ZFR2: variants seen among roughly 807,000 people sequenced by gnomAD.
ZFR2 encodes the protein zinc finger RNA binding protein 2, also known as zinc finger RNA-binding protein 2.
ZFR2 carries 104 observed loss-of-function variants against 105.7 expected under a neutral mutation model. The observed-to-expected ratio is 0.98, with a 90% CI of 0.84 to 1.16. The LOEUF is 1.16. Among genes scored for constraint, ZFR2 ranks in the 50% most tolerant of loss-of-function variants. The pLI is 0.00. For missense variants in ZFR2, 1,425 were observed against 1,355.5 expected (o/e 1.05, Z -0.80); for synonymous variants, 634 against 597.7 (o/e 1.06, Z -0.89).
At chr19:3,867,131 A>G (rs1252293786) in intron 1 of ZFR2, among the ~76,000 whole-genome samples, 1 of 122,730 alleles carries the variant, frequency 8.1e-6, no homozygotes, top group Admixed American at 8.5e-5. Flanking sequence ...GAAATGCAGT[A>G]GGAACACCGC....
intron 16 of ZFR2, 56 bp downstream of exon 16, chr19:3,810,694 C>T (rs1365097521): frequency 3.4e-6 from 5 of 1,487,366 alleles, no homozygotes; most frequent in Non-Finnish European, 3.6e-6. Context: ...CCTGTCAGGG[C>T]CATGGAGGCC....
intron 1 of ZFR2, among the ~76,000 whole-genome samples, chr19:3,857,765 C>T (rs998744947): frequency 2.0e-5 from 3 of 151,380 alleles, no homozygotes; most frequent in African/African-American, 7.3e-5. Flanking sequence ...TGAGCCCAGG[C>T]TATTTGCTGC....
chr19:3,866,934 C>T (rs1346559497), intron 1 of ZFR2, among the ~76,000 whole-genome samples: 1 of 152,216 alleles, frequency 6.6e-6, no homozygotes, highest in African/African-American at 2.4e-5. Flanking sequence ...ACCAGAGAAA[C>T]CACTCCGAGT....
intron 13 of ZFR2, among the ~76,000 whole-genome samples, 151 bp from the exon 14 acceptor site, chr19:3,814,109 A>G (rs574916843): frequency 6.6e-6 from 1 of 152,038 alleles, no homozygotes; most frequent in Non-Finnish European, 1.5e-5. Context: ...TGTGTCTGGA[A>G]CCTCCAAGTG....
intron 8 of ZFR2, 24 bp from the exon 9 acceptor site, chr19:3,822,224 C>A (rs2037904499): frequency 2.6e-6 from 4 of 1,563,152 alleles, no homozygotes; most frequent in Non-Finnish European, 3.5e-6. Context: ...CAGCCGCACG[C>A]GCACCAGGCA....
Position 3,827,469 on chromosome 19 carries a change from A to T in ZFR2, c.1035+2T>A, listed in dbSNP as rs1439607735. The T allele has an allele frequency of 2.6e-6, 4 of 1,543,086 alleles. No individual in the cohort carries two copies. In the African/African-American group the frequency reaches 4.1e-5, roughly 16 times the overall value. On this transcript the variant is annotated splice_donor_variant, in intron 6 of 18. Coordinates refer to ENST00000262961, the MANE Select transcript of ZFR2 (RefSeq NM_015174.2). LOFTEE classifies it high-confidence loss of function. ...CAGAGCCTGGGCCGGGCGGGGCCGTACCTTCTGGTGCTTGGATCCCCGGAT... is the reference window on the plus strand; with the variant it reads ...CAGAGCCTGGGCCGGGCGGGGCCGTTCCTTCTGGTGCTTGGATCCCCGGAT...
chr19:3,824,076 C>T (rs969236585), intron 7 of ZFR2, among the ~76,000 whole-genome samples: 1 of 152,032 alleles, frequency 6.6e-6, no homozygotes, highest in Non-Finnish European at 1.5e-5. Context: ...TTGGGAGGAT[C>T]GCTTAAGCCT....
chr19:3,814,822 C>T (rs560825280), intron 13 of ZFR2, among the ~76,000 whole-genome samples: 1 of 152,270 alleles, frequency 6.6e-6, no homozygotes, highest in Admixed American at 6.5e-5. Flanking sequence ...GCAATCCTAC[C>T]TCCTGGTACG....
In ZFR2 at chr19:3,825,125, G is replaced by A. The variant is rs372845981; in HGVS notation, c.1213+105C>T. 2.9e-5 allele frequency: 39 copies of A among 1,330,360 alleles called. 2 individuals carry two copies. The highest frequency in any genetic ancestry group is 1.4e-4 in the South Asian group (8 of 56,166). The allele number at this position is 1,330,360 out of a possible 1,614,324, so 82.4% of individuals were successfully genotyped here. The stretch of plus-strand genomic sequence containing the variant: ...CCAGCCAGCCCCTCACCACCCCCCG[G>A]GAAGACATGACGAAAATCGACTGGA... On this transcript the variant is annotated intron_variant, in intron 7 of 18. Transcript: ENST00000262961.
intron 15 of ZFR2, 136 bp downstream of exon 15, chr19:3,811,136 G>A (rs941186893): frequency 7.9e-6 from 7 of 888,098 alleles, no homozygotes; most frequent in African/African-American, 1.7e-5. Flanking sequence ...ACTCGGCCAG[G>A]AAGCTGATGG....
At chr19:3,844,049 GGAGT>G (rs1439559377) in intron 1 of ZFR2, among the ~76,000 whole-genome samples, 1 of 150,180 alleles carries the variant, frequency 6.7e-6, no homozygotes, top group Non-Finnish European at 1.5e-5. Flanking sequence ...GAGGGGAAGG[GGAGT>G]GAGTGTTTCA....
intron 13 of ZFR2, among the ~76,000 whole-genome samples, chr19:3,815,390 C>T (rs149849860): frequency 1.5e-3 from 233 of 152,108 alleles, no homozygotes; most frequent in African/African-American, 5.3e-3. Flanking sequence ...ACGCCAGGCC[C>T]GATTTTTCTT....
chr19:3,828,910 C>G (rs1226491769), intron 5 of ZFR2, among the ~76,000 whole-genome samples: 1 of 151,770 alleles, frequency 6.6e-6, no homozygotes, highest in Non-Finnish European at 1.5e-5. Context: ...AAAAATAGGA[C>G]GTGGGAGAGG....
chr19:3,844,431 G>A (rs1425525556), intron 1 of ZFR2, among the ~76,000 whole-genome samples: 1 of 151,440 alleles, frequency 6.6e-6, no homozygotes, highest in East Asian at 1.9e-4. Context: ...GCAGTGGTGC[G>A]ATCTCGGCTC....
Position 3,813,828 on chromosome 19 carries a change from G to A in ZFR2, c.2234C>T (p.Thr745Ile). The A allele has an allele frequency of 3.1e-6, 5 of 1,613,826 alleles. No homozygotes were observed. The highest frequency in any genetic ancestry group is 4.2e-6 in the Non-Finnish European group (5 of 1,179,854). The stretch of plus-strand genomic sequence containing the variant: ...GAAGGGCTGGGCCGCACCTGGGTCT[G>A]TGGAGGGGTCCTCCCGCATCAGAGG... ...TSPLMREDPS[T>I]DPGVEEPQAD... The change falls in exon 14 of 19, where the codon ACA becomes ATA. Residue 745 changes from threonine to isoleucine, a missense_variant. Coordinates refer to ENST00000262961, the MANE Select transcript of ZFR2 (RefSeq NM_015174.2). The surrounding 1 kb of genome is among the most constrained non-coding windows in gnomAD (Gnocchi z 4.4).
chr19:3,851,441 G>T (rs1418693343), intron 1 of ZFR2, among the ~76,000 whole-genome samples: 1 of 152,176 alleles, frequency 6.6e-6, no homozygotes, highest in Non-Finnish European at 1.5e-5. Context: ...GACCCCAGAA[G>T]CCACCAAAAC....
intron 13 of ZFR2, among the ~76,000 whole-genome samples, chr19:3,814,370 T>G (rs1220887097): frequency 1.3e-5 from 2 of 152,182 alleles, no homozygotes; most frequent in African/African-American, 4.8e-5. Context: ...AAAACCATAA[T>G]GAGACGCCAC....
rs375827716 is a variant in ZFR2, at chr19:3,819,136, C to T, written c.1840G>A (p.Val614Met). 1.6e-5 allele frequency: 25 copies of T among 1,609,858 alleles called. No homozygotes were observed. Among genetic ancestry groups the T allele is most frequent in the Admixed American group, 3.4e-5 (2 of 59,564 alleles). ...EQELLAVQRA[V>M]SHAERALKLV... is the part of the protein sequence containing the mutation. ...TTGAGGGCCCGCTCTGCGTGGGACA[C>T]GGCCCTCTGCACGGCCAGGAGCTCC... Residue 614 changes from valine (V) to methionine (M), a missense_variant, in exon 12 of 19, where the codon GTG becomes ATG. Transcript: ENST00000262961.
At chr19:3,855,878 G>C (rs1477264536) in intron 1 of ZFR2, among the ~76,000 whole-genome samples, 3 of 152,158 alleles carry the variant, frequency 2.0e-5, no homozygotes, top group Non-Finnish European at 2.9e-5. Context: ...AAAGGGTGTG[G>C]AACAGGGGGC....
Sources: allele counts gnomAD v4.1 joint callset (sites outside exome capture counted in the v4.1 genomes callset), GRCh38; gene constraint gnomAD v4.1.1; non-coding constraint Gnocchi (gnomAD v3.1); transcripts MANE v1.5; gene names NCBI Gene and HGNC (gene_info 2026-07-23, HGNC 2026-07-21).